The following CDH8 variants were observed in gnomAD, a reference collection of about 807,000 sequenced individuals.
CDH8 encodes the protein cadherin 8.
A neutral mutation model predicts 68.1 loss-of-function variants in CDH8; 17 were observed. The ratio of observed to expected loss-of-function variants is 0.25; its 90% CI spans 0.17 to 0.37. CDH8 has a LOEUF of 0.37. CDH8 is among the 10% of genes least tolerant of loss of function. The pLI is 1.00. For missense variants in CDH8, 763 were observed against 999.3 expected, an observed-to-expected ratio of 0.76 and a Z score of 3.19; for synonymous variants, 372 against 365.1, an observed-to-expected ratio of 1.02 and a Z score of -0.21.
At chr16:61,984,698 G>A (rs1490946144) in intron 2 of CDH8, among the ~76,000 whole-genome samples, 1 of 151,838 alleles carries the variant, frequency 6.6e-6, no homozygotes, top group Admixed American at 6.6e-5. Context: ...GAAATTTAAT[G>A]CAGTAAAAAT....
chr16:61,802,064 C>A lies in CDH8; in HGVS notation c.1278-12582G>T, dbSNP rs543617568. ...GAAACCTCTGCAGACTTAAGTGTCC[C>A]TGTCTGACAGCTTTGAAGAGAGCAG... On this transcript the variant is annotated intron_variant, in intron 7 of 11. Coordinates refer to ENST00000577390, the MANE Select transcript of CDH8 (RefSeq NM_001796.5). 2.4e-4 allele frequency among the ~76,000 whole-genome samples: 34 copies of A among 144,312 alleles called. 1 individual carries two copies. In the South Asian group the frequency reaches 6.4e-3, roughly 27 times the overall value. 94.7% of individuals were successfully genotyped at this position (144,312 alleles called of 152,430 possible). A position where few individuals can be genotyped will look rare whatever the true frequency, so the allele number is the denominator to read the frequency against.
chr16:61,998,535 CAG>C (rs1965843971), intron 2 of CDH8, among the ~76,000 whole-genome samples: 1 of 152,096 alleles, frequency 6.6e-6, no homozygotes, highest in Non-Finnish European at 1.5e-5. Flanking sequence ...ATTCAAGACA[CAG>C]AGAAAGCTGA....
At chr16:61,799,668 C>T (rs1949016751) in intron 7 of CDH8, among the ~76,000 whole-genome samples, 1 of 151,960 alleles carries the variant, frequency 6.6e-6, no homozygotes, top group African/African-American at 2.4e-5. Flanking sequence ...TAAGTGGTTT[C>T]CATTTTGGTA....
Position 61,654,070 on chromosome 16 carries a change from C to T in CDH8, c.1938G>A (p.Arg646=), listed in dbSNP as rs1444100787. ...TGATAATTAATGGTTCATTTTTATG[C>T]CGCCGTAGAGTTACAAACAGCACCA... is the stretch of plus-strand genomic sequence containing the variant. ...VIVVLFVTLR[R]HKNEPLIIKD... Residue 646 remains arginine (R), a synonymous_variant, in exon 12 of 12, where the codon CGG becomes CGA. Coordinates refer to ENST00000577390, the MANE Select transcript of CDH8 (RefSeq NM_001796.5). 8.7e-6 allele frequency: 14 copies of T among 1,613,824 alleles called. No individual in the cohort carries two copies. The highest frequency in any genetic ancestry group is 1.2e-5 in the Non-Finnish European group (14 of 1,179,938).
intron 2 of CDH8, among the ~76,000 whole-genome samples, chr16:61,999,950 C>G (rs1597117768): frequency 6.6e-6 from 1 of 151,894 alleles, no homozygotes; most frequent in South Asian, 2.1e-4. Context: ...TCCTAATGCT[C>G]TCCCTCCCCT....
chr16:61,817,394 C>A (rs918661300), intron 7 of CDH8, 85 bp downstream of exon 7: 9 of 1,326,412 alleles, frequency 6.8e-6, no homozygotes, highest in Non-Finnish European at 9.7e-6. Flanking sequence ...CCAAGGAGAG[C>A]CCCACAGAAG....
chr16:61,808,560 CA>C (rs1412164524), intron 7 of CDH8, among the ~76,000 whole-genome samples: 2 of 152,134 alleles, frequency 1.3e-5, no homozygotes, highest in African/African-American at 4.8e-5. Context: ...ACTAAGATTC[CA>C]AGGGCTCTAA....
chr16:61,691,102 C>A (rs1177702245), intron 10 of CDH8, among the ~76,000 whole-genome samples: 1 of 152,088 alleles, frequency 6.6e-6, no homozygotes, highest in Non-Finnish European at 1.5e-5. Context: ...ATAAATCATG[C>A]ACCTTTGTTT....
chr16:61,732,677 G>A (rs1350622101), intron 8 of CDH8, among the ~76,000 whole-genome samples: 1 of 151,248 alleles, frequency 6.6e-6, no homozygotes, highest in Admixed American at 6.6e-5. Flanking sequence ...TAATCCAAAC[G>A]AAAAAAATAA....
intron 11 of CDH8, among the ~76,000 whole-genome samples, chr16:61,654,327 G>C (rs1963393313): frequency 6.6e-6 from 1 of 152,024 alleles, no homozygotes; most frequent in South Asian, 2.1e-4. Context: ...GATAGAGCTG[G>C]GTTAAAAGAA....
At chr16:61,739,890 T>TATATATATAC (rs1959813118) in intron 8 of CDH8, among the ~76,000 whole-genome samples, 1 of 95,042 alleles carries the variant, frequency 1.1e-5, no homozygotes, top group Non-Finnish European at 2.0e-5. Flanking sequence ...ATTCCATATA[T>TATATATATAC]ATATATATAT....
At position 61,857,128 on chromosome 16, in the gene CDH8, G is replaced by C. The variant is rs190954180; in HGVS notation, c.658C>G (p.Pro220Ala). 3.2e-5 allele frequency: 52 copies of C among 1,613,470 alleles called. No individual in the cohort carries two copies. The East Asian group carries it at 1.2e-3, about 36-fold the overall frequency. ...AATTTAGGCCACAAACCTGTTTCAG[G>C]CTCAATGGAAAAATAAGGCTGCCCT... ...LEGQPYFSIE[P>A]ETAIIKTALP... The change falls in exon 4 of 12, where the codon CCT (proline) becomes GCT (alanine). Residue 220 changes from proline to alanine, a missense_variant. Around this residue, in one of 2 missense-constraint regions of CDH8, gnomAD observed 366 missense variants for 563.1 expected, o/e 0.65. Transcript: ENST00000577390.
intron 3 of CDH8, among the ~76,000 whole-genome samples, chr16:61,897,569 T>C (rs1489379190): frequency 6.6e-6 from 1 of 152,200 alleles, no homozygotes; most frequent in East Asian, 1.9e-4. Flanking sequence ...ATGACTTACA[T>C]ACACAGAAAT....
At chr16:61,782,783 T>C (rs1194764293) in intron 8 of CDH8, among the ~76,000 whole-genome samples, 6 of 152,088 alleles carry the variant, frequency 3.9e-5, no homozygotes, top group Non-Finnish European at 8.8e-5. Context: ...CCCTGACCCC[T>C]GACCCCTGAG....
intron 2 of CDH8, among the ~76,000 whole-genome samples, chr16:62,006,617 C>T (rs1965980297): frequency 6.6e-6 from 1 of 152,132 alleles, no homozygotes; most frequent in Admixed American, 6.5e-5. Context: ...CTTCCACCTC[C>T]CTTGTTCTTT....
intron 1 of CDH8, among the ~76,000 whole-genome samples, chr16:62,033,697 G>T (rs1902382418): frequency 6.6e-6 from 1 of 152,140 alleles, no homozygotes; most frequent in African/African-American, 2.4e-5. Flanking sequence ...GCCTATTTGC[G>T]ATGGTCAGGG....
chr16:61,923,853 TTAAA>T (rs1964415177), intron 2 of CDH8, among the ~76,000 whole-genome samples: 1 of 147,570 alleles, frequency 6.8e-6, no homozygotes, highest in African/African-American at 2.5e-5. Context: ...GTGTATATAT[TTAAA>T]TATATTATAT....
chr16:61,934,536 A>C (rs897314999), intron 2 of CDH8, among the ~76,000 whole-genome samples: 1 of 152,194 alleles, frequency 6.6e-6, no homozygotes, highest in Non-Finnish European at 1.5e-5. Context: ...TAAATAATTT[A>C]CTTATTTTAT....
Position 61,649,711 on chromosome 16 carries a change from C to CTTGTTGGA in CDH8, c.*3896_*3897insTCCAACAA. 2 of 151,986 alleles carry CTTGTTGGA rather than the reference C, an allele frequency of 1.3e-5. No homozygotes were observed. Among genetic ancestry groups the CTTGTTGGA allele is most frequent in the African/African-American group, 4.8e-5 (2 of 41,412 alleles). 9.4% of individuals were successfully genotyped at this position (151,986 alleles called of 1,614,324 possible). On this transcript the variant is annotated 3_prime_UTR_variant, in exon 12 of 12. Coordinates refer to ENST00000577390, the MANE Select transcript of CDH8 (RefSeq NM_001796.5). ...ACATTCGTGAGATTCCCTGCAAAGC[C>CTTGTTGGA]AGTGATCGCATAATACAACTTGTTG...
Sources: allele counts gnomAD v4.1 joint callset (sites outside exome capture counted in the v4.1 genomes callset), GRCh38; gene constraint gnomAD v4.1.1; regional missense constraint gnomAD v4.1.1; transcripts MANE v1.5; gene names NCBI Gene and HGNC (gene_info 2026-07-23, HGNC 2026-07-21).